Variants in BPIFC observed in about 807,000 individuals in gnomAD.
The protein encoded by BPIFC is BPI fold containing family C.
Under a neutral mutation model 57.6 loss-of-function variants are expected in BPIFC, and 60 were observed. The ratio of observed to expected loss-of-function variants is 1.04; its 90% CI spans 0.85 to 1.29. The LOEUF is 1.29. BPIFC is among the 50% of genes most tolerant of loss of function. The pLI, the probability that BPIFC is intolerant of heterozygous loss-of-function variation, is 0.00. For synonymous variants in BPIFC, 243 were observed against 224.5 expected (o/e 1.08, Z -0.74); for missense variants, 581 against 600.5 (o/e 0.97, Z 0.34).
intron 7 of BPIFC, among the ~76,000 whole-genome samples, chr22:32,443,815 A>G (rs1934637286): frequency 6.6e-6 from 1 of 152,192 alleles, no homozygotes; most frequent in South Asian, 2.1e-4. Context: ...GAAGTAATCC[A>G]TGTAAACTTG....
Position 32,431,362 on chromosome 22 carries a change from G to A in BPIFC, c.1202C>T (p.Ser401Phe). ...TTGATCTTACCTGTTCAGAGACAAG[G>A]AGCAGACCAGTCTTTGTCCCAAAAT... is the stretch of plus-strand genomic sequence containing the variant. Reference protein sequence around the residue: ...LVILGQRLVCSLSLNRFRLAL... With the variant: ...LVILGQRLVCFLSLNRFRLAL... The change falls in exon 13 of 17, where the codon TCC (serine) becomes TTC (phenylalanine). Residue 401 changes from serine to phenylalanine, a missense_variant. By Grantham distance (155) the Ser-to-Phe change is radical. Coordinates refer to ENST00000300399, the MANE Select transcript of BPIFC (RefSeq NM_174932.3). 1.2e-6 allele frequency: 2 copies of A among 1,612,032 alleles called. No homozygotes were observed. Among genetic ancestry groups the A allele is most frequent in the Non-Finnish European group, 1.7e-6 (2 of 1,178,402 alleles).
At chr22:32,419,293 G>A (rs977175251) in intron 14 of BPIFC, 69 bp downstream of exon 14, 38 of 1,455,560 alleles carry the variant, frequency 2.6e-5, no homozygotes, top group South Asian at 1.2e-4. Flanking sequence ...CAATTAATTC[G>A]CTATTATATA....
intron 13 of BPIFC, among the ~76,000 whole-genome samples, chr22:32,425,515 T>A (rs1422856286): frequency 6.6e-6 from 1 of 152,218 alleles, no homozygotes; most frequent in Non-Finnish European, 1.5e-5. Context: ...CTGGAAATGA[T>A]CTTGTACGAT....
At chr22:32,428,131 CCTTT>C (rs1934119181) in intron 13 of BPIFC, among the ~76,000 whole-genome samples, 1 of 151,772 alleles carries the variant, frequency 6.6e-6, no homozygotes, top group South Asian at 2.1e-4. Context: ...TCTTTGGGGA[CCTTT>C]CTTCTGTTAA....
intron 13 of BPIFC, among the ~76,000 whole-genome samples, chr22:32,426,750 T>C (rs1934078382): frequency 2.0e-5 from 3 of 151,650 alleles, no homozygotes; most frequent in East Asian, 1.9e-4. Context: ...AAATCAGCCA[T>C]GTGTGGTGGC....
intron 7 of BPIFC, among the ~76,000 whole-genome samples, chr22:32,443,542 G>C (rs1048915176): frequency 6.6e-6 from 1 of 152,178 alleles, no homozygotes; most frequent in African/African-American, 2.4e-5. Context: ...GATCTATTTT[G>C]TTGCCACCTT....
rs1569447955 is a variant in BPIFC at position 32,424,647 on chromosome 22, CTTCTTCTTCTTCTTCTTCTTCT to C, written c.1218-5265_1218-5244del. On this transcript the variant is annotated intron_variant, in intron 13 of 16. Coordinates refer to ENST00000300399, the MANE Select transcript of BPIFC (RefSeq NM_174932.3). ...CTCCTCCTCTTCTTCTTCTTCTCTTCTTCTTCTTCTTCTTCTTCTTCTTCTTCTTCTTCTTCTTCTTCTTCCT... is the reference window on the plus strand; with the variant it reads ...CTCCTCCTCTTCTTCTTCTTCTCTTCTCTTCTTCTTCTTCTTCTTCTTCCT... Among the ~76,000 whole-genome samples, 4 of 44,690 alleles carry C rather than the reference CTTCTTCTTCTTCTTCTTCTTCT, an allele frequency of 9.0e-5. 1 individual carries two copies. Among genetic ancestry groups the C allele is most frequent in the African/African-American group, 8.3e-4 (4 of 4,800 alleles). The allele number at this position is 44,690 out of a possible 152,430, so 29.3% of individuals were successfully genotyped here. A position where few individuals can be genotyped will look rare whatever the true frequency, so the allele number is the denominator to read the frequency against.
Position 32,431,757 on chromosome 22 carries a change from TA to T in BPIFC, c.1150-344del, listed in dbSNP as rs1190463803. On this transcript the variant is annotated intron_variant, in intron 12 of 16. Transcript: ENST00000300399. Reference sequence around the variant, plus strand: ...TGCATTTGGCCTTCATTTGCTCAAGTAAAAATGAATTCTACCTTGATTGACT... The same window carrying T: ...TGCATTTGGCCTTCATTTGCTCAAGTAAAATGAATTCTACCTTGATTGACT... Among the ~76,000 whole-genome samples, 3 of 152,128 alleles carry T rather than the reference TA, an allele frequency of 2.0e-5. No individual in the cohort carries two copies. In the East Asian group the frequency reaches 5.8e-4, roughly 29 times the overall value.
intron 14 of BPIFC, among the ~76,000 whole-genome samples, chr22:32,418,190 G>C (rs556697914): frequency 9.5e-4 from 144 of 152,152 alleles, no homozygotes; most frequent in Non-Finnish European, 1.6e-3. Context: ...TATAATCTCA[G>C]CTAATCCTTT....
chr22:32,458,579 C>T (rs1237731303), intron 2 of BPIFC, among the ~76,000 whole-genome samples: 1 of 152,148 alleles, frequency 6.6e-6, no homozygotes, highest in Non-Finnish European at 1.5e-5. Context: ...CACTTCAGCA[C>T]CTTGAATAGT....
chr22:32,460,678 C>T (rs886880483), intron 2 of BPIFC, among the ~76,000 whole-genome samples: 7 of 152,238 alleles, frequency 4.6e-5, no homozygotes, highest in African/African-American at 1.7e-4. Flanking sequence ...CCCTAAGGCC[C>T]ATTTAAAGCA....
intron 8 of BPIFC, among the ~76,000 whole-genome samples, chr22:32,439,853 G>A (rs998509880): frequency 7.9e-5 from 12 of 152,032 alleles, no homozygotes; most frequent in African/African-American, 1.9e-4. Flanking sequence ...GACCTCAAGC[G>A]AGTTGCTCGC....
intron 14 of BPIFC, among the ~76,000 whole-genome samples, chr22:32,417,828 C>T (rs1305785174): frequency 6.6e-6 from 1 of 152,076 alleles, no homozygotes; most frequent in African/African-American, 2.4e-5. Flanking sequence ...CGCTCCAAAG[C>T]TATTGCCATC....
At chr22:32,425,467 G>A (rs1934039815) in intron 13 of BPIFC, among the ~76,000 whole-genome samples, 6 of 152,158 alleles carry the variant, frequency 3.9e-5, no homozygotes, top group Non-Finnish European at 2.9e-5. Flanking sequence ...CCATGGGCAG[G>A]ATACAGGGGA....
chr22:32,461,639 C>T lies in BPIFC; in HGVS notation c.-66G>A. 1 of 985,496 alleles carries T rather than the reference C, an allele frequency of 1.0e-6. No homozygotes were observed. The highest frequency in any genetic ancestry group is 5.2e-4 in the Middle Eastern group (1 of 1,916). The allele number at this position is 985,496 out of a possible 1,614,324, so 61.0% of individuals were successfully genotyped here. On this transcript the variant is annotated 5_prime_UTR_variant, in exon 2 of 17. Coordinates refer to ENST00000300399, the MANE Select transcript of BPIFC (RefSeq NM_174932.3). ...GGGCCTTTCTTGATCCTTTAGTTGC[C>T]CTTGGAGGTTAGTCAAGGTGTCCTG...
chr22:32,453,978 G>C (rs766615164), intron 3 of BPIFC, among the ~76,000 whole-genome samples: 2 of 152,074 alleles, frequency 1.3e-5, no homozygotes, highest in Non-Finnish European at 2.9e-5. Flanking sequence ...GGGCATAATG[G>C]TGCATGTCTA....
In BPIFC at chr22:32,464,431, A is replaced by T; in HGVS notation, c.-146T>A. ...CACCTTCGATTCTCTCTGCCTTTGA[A>T]GCTGATGTGTTCTCCACCTTGCGCC... On this transcript the variant is annotated 5_prime_UTR_variant, in exon 1 of 17. Transcript: ENST00000300399. 1 of 985,348 alleles carries T rather than the reference A, an allele frequency of 1.0e-6. No homozygotes were observed. 61.0% of individuals were successfully genotyped at this position (985,348 alleles called of 1,614,324 possible). A position where few individuals can be genotyped will look rare whatever the true frequency, so the allele number is the denominator to read the frequency against.
intron 7 of BPIFC, among the ~76,000 whole-genome samples, chr22:32,445,041 C>T (rs1324651544): frequency 6.6e-6 from 1 of 152,160 alleles, no homozygotes. Context: ...TGGTTGTTTG[C>T]CCACCCTATG....
chr22:32,455,023 A>G (rs1969634), intron 3 of BPIFC, among the ~76,000 whole-genome samples: 48,396 of 148,328 alleles, frequency 0.33, 8,979 homozygotes, highest in African/African-American at 0.51. Context: ...TCCTATGGGT[A>G]GGTACTATAA....
Sources: allele counts gnomAD v4.1 joint callset (sites outside exome capture counted in the v4.1 genomes callset), GRCh38; gene constraint gnomAD v4.1.1; transcripts MANE v1.5; gene names NCBI Gene and HGNC (gene_info 2026-07-23, HGNC 2026-07-21).